Variants in RUBCNL observed in about 807,000 individuals in gnomAD.
RUBCNL encodes the protein protein associated with UVRAG as autophagy enhancer.
A neutral mutation model predicts 69.5 loss-of-function variants in RUBCNL; 62 were observed. That is an observed-to-expected ratio of 0.89 (90% CI 0.73 to 1.10). RUBCNL has a LOEUF of 1.10. Ranked by LOEUF, RUBCNL falls within the 50% of genes least tolerant of loss-of-function variation. The probability of loss-of-function intolerance (pLI) is 0.00; values close to 1 mark genes in which losing one functional copy is unlikely to be tolerated. For synonymous variants in RUBCNL, 291 were observed against 303.6 expected, an observed-to-expected ratio of 0.96 and a Z score of 0.43; for missense variants, 768 against 798.1, an observed-to-expected ratio of 0.96 and a Z score of 0.45.
Position 46,372,319 on chromosome 13 carries a change from A to G in RUBCNL, c.157T>C (p.Trp53Arg). 1 of 1,614,028 alleles carries G rather than the reference A, an allele frequency of 6.2e-7. No homozygotes were observed. Among genetic ancestry groups the G allele is most frequent in the Non-Finnish European group, 8.5e-7 (1 of 1,179,904 alleles). Residue 53 changes from tryptophan to arginine, a missense_variant, in exon 3 of 15, where the codon TGG (tryptophan) becomes CGG (arginine). Coordinates refer to ENST00000429979, the MANE Select transcript of RUBCNL (RefSeq NM_025113.5). The part of the protein sequence containing the change: ...DIRLMRHKAV[W>R]INPQDVQQQP... ...TGCTGCACATCCTGGGGGTTAATCC[A>G]GACAGCTTTGTGCCTCATGAGCCTG...
intron 5 of RUBCNL, among the ~76,000 whole-genome samples, chr13:46,365,326 A>G (rs1312920163): frequency 1.4e-5 from 2 of 142,978 alleles, no homozygotes; most frequent in African/African-American, 5.2e-5. Flanking sequence ...AAAAAAAAAA[A>G]TCTCATGAAG....
intron 10 of RUBCNL, among the ~76,000 whole-genome samples, chr13:46,352,580 A>G (rs2048394007): frequency 1.3e-5 from 2 of 152,136 alleles, no homozygotes; most frequent in South Asian, 4.1e-4. Context: ...CGAGGTGGGC[A>G]GATCACCTGA....
chr13:46,355,788 C>T (rs1013605438), intron 10 of RUBCNL, among the ~76,000 whole-genome samples: 1 of 152,180 alleles, frequency 6.6e-6, no homozygotes, highest in Non-Finnish European at 1.5e-5. Flanking sequence ...ATACAACAGA[C>T]AACACATGTG....
chr13:46,349,315 C>A lies in RUBCNL; in HGVS notation c.1602G>T (p.Lys534Asn). The change falls in exon 12 of 15, where the codon AAG (lysine) becomes AAT (asparagine). Residue 534 changes from lysine (K) to asparagine (N), a missense_variant. Coordinates refer to ENST00000429979, the MANE Select transcript of RUBCNL (RefSeq NM_025113.5). Reference protein sequence around the residue: ...EIQEQLFHIKKLLKTCRFANS... With the variant: ...EIQEQLFHIKNLLKTCRFANS... The stretch of plus-strand genomic sequence containing the variant: ...TAGCAAACCTACAGGTCTTCAACAG[C>A]TTCTTGATATGGAAGAGCTGCTCCT... The A allele has an allele frequency of 1.2e-6, 2 of 1,613,792 alleles. No individual in the cohort carries two copies. Among genetic ancestry groups the A allele is most frequent in the Non-Finnish European group, 1.7e-6 (2 of 1,179,756 alleles).
chr13:46,364,493 C>G (rs2048704178), intron 5 of RUBCNL, among the ~76,000 whole-genome samples: 1 of 152,132 alleles, frequency 6.6e-6, no homozygotes, highest in South Asian at 2.1e-4. Flanking sequence ...ACCACCACTT[C>G]CAGCTGCAGT....
At chr13:46,362,884 A>G (rs1354049298) in intron 6 of RUBCNL, among the ~76,000 whole-genome samples, 2 of 141,650 alleles carry the variant, frequency 1.4e-5, no homozygotes, top group African/African-American at 5.4e-5. Context: ...TACAAGTGAG[A>G]TGAGAGATTA....
At chr13:46,357,368 A>G (rs955360698) in intron 9 of RUBCNL, among the ~76,000 whole-genome samples, 10 of 150,156 alleles carry the variant, frequency 6.7e-5, no homozygotes, top group Non-Finnish European at 1.5e-4. Context: ...TGCTAAAACC[A>G]AAGCAGAAGT....
At chr13:46,354,139 T>G (rs1177330785) in intron 10 of RUBCNL, among the ~76,000 whole-genome samples, 2 of 152,214 alleles carry the variant, frequency 1.3e-5, no homozygotes, top group African/African-American at 4.8e-5. Flanking sequence ...TCCTTATTTT[T>G]GGGATATACT....
upstream of RUBCNL, chr13:46,387,460 C>G: frequency 1.0e-6 from 1 of 985,542 alleles, no homozygotes; most frequent in African/African-American, 1.7e-5. Context: ...GGCCCAGCAC[C>G]ACGCACCTAT....
rs1302163562 is a variant in RUBCNL, at chr13:46,335,443, G to A, written c.*7942C>T. 6.6e-6 allele frequency among the ~76,000 whole-genome samples: 1 copy of A among 151,944 alleles called. No individual in the cohort carries two copies. Among genetic ancestry groups the A allele is most frequent in the South Asian group, 2.1e-4 (1 of 4,810 alleles). On this transcript the variant is annotated 3_prime_UTR_variant, in exon 15 of 15. Transcript: ENST00000429979. ...AAGTCTTCAGAGGGTTTAATCCACGGAGATAGACGATCTGATTTATGCTTT... is the reference window on the plus strand; with the variant it reads ...AAGTCTTCAGAGGGTTTAATCCACGAAGATAGACGATCTGATTTATGCTTT...
chr13:46,367,989 G>A, intron 5 of RUBCNL, 53 bp downstream of exon 5: 1 of 1,517,398 alleles, frequency 6.6e-7, no homozygotes. Flanking sequence ...AATTATAGAG[G>A]AGATATATGT....
At position 46,336,030 on chromosome 13, in the gene RUBCNL, C is replaced by T. The variant is rs1253359404; in HGVS notation, c.*7355G>A. On this transcript the variant is annotated 3_prime_UTR_variant, in exon 15 of 15. Coordinates refer to ENST00000429979, the MANE Select transcript of RUBCNL (RefSeq NM_025113.5). ...GATGGACAGAGAAAGAAGAGGAAAA[C>T]CTACAAAGGAGACCAAGAAAAGAGA... Among the ~76,000 whole-genome samples the T allele has an allele frequency of 6.6e-6, 1 of 152,122 alleles. No individual in the cohort carries two copies. Among genetic ancestry groups the T allele is most frequent in the Non-Finnish European group, 1.5e-5 (1 of 68,026 alleles).
chr13:46,349,710 T>G (rs1412797566), intron 11 of RUBCNL, among the ~76,000 whole-genome samples: 1 of 151,474 alleles, frequency 6.6e-6, no homozygotes, highest in Non-Finnish European at 1.5e-5. Flanking sequence ...AGGGTCTTGC[T>G]CTGTCACCCA....
At chr13:46,354,230 A>T (rs2048433531) in intron 10 of RUBCNL, among the ~76,000 whole-genome samples, 1 of 152,212 alleles carries the variant, frequency 6.6e-6, no homozygotes, top group African/African-American at 2.4e-5. Context: ...TAAATTCTGA[A>T]ACAGATAAAG....
chr13:46,385,675 A>AC (rs1374663267), intron 1 of RUBCNL, among the ~76,000 whole-genome samples: 2 of 151,852 alleles, frequency 1.3e-5, no homozygotes, highest in African/African-American at 4.8e-5. Context: ...GCAAAAAAAA[A>AC]AAAAAACCAA....
intron 10 of RUBCNL, among the ~76,000 whole-genome samples, chr13:46,356,137 A>G (rs917065092): frequency 6.6e-6 from 1 of 152,108 alleles, no homozygotes; most frequent in African/African-American, 2.4e-5. Flanking sequence ...CCACAAACGC[A>G]AATATGTCAG....
chr13:46,381,133 A>G (rs2049107775), intron 1 of RUBCNL, among the ~76,000 whole-genome samples: 1 of 151,864 alleles, frequency 6.6e-6, no homozygotes, highest in Non-Finnish European at 1.5e-5. Context: ...AAGAGAAATG[A>G]GAACACACAT....
At chr13:46,353,156 C>G (rs1262360576) in intron 10 of RUBCNL, among the ~76,000 whole-genome samples, 1 of 152,230 alleles carries the variant, frequency 6.6e-6, no homozygotes, top group Non-Finnish European at 1.5e-5. Flanking sequence ...CGCCTTTGCA[C>G]TTGCCCAAAT....
intron 5 of RUBCNL, among the ~76,000 whole-genome samples, chr13:46,365,734 A>C (rs2048739815): frequency 1.3e-5 from 2 of 152,214 alleles, no homozygotes; most frequent in Admixed American, 1.3e-4. Flanking sequence ...GAATGGCACG[A>C]GATTCCTGTT....
Sources: allele counts gnomAD v4.1 joint callset (sites outside exome capture counted in the v4.1 genomes callset), GRCh38; gene constraint gnomAD v4.1.1; transcripts MANE v1.5; gene names NCBI Gene and HGNC (gene_info 2026-07-23, HGNC 2026-07-21).